The following TRRAP variants were observed in gnomAD, a reference collection of about 807,000 sequenced individuals.
The protein encoded by TRRAP is transformation/transcription domain-associated protein.
In TRRAP, 41 loss-of-function variants were observed where a neutral mutation model predicts 438.8. The ratio of observed to expected loss-of-function variants is 0.09; its 90% CI spans 0.07 to 0.12. The LOEUF is 0.12. Among genes scored for constraint, TRRAP ranks in the 10% least tolerant of loss-of-function variants. The pLI is 1.00. For synonymous variants in TRRAP, 1,994 were observed against 1,962.9 expected (o/e 1.02, Z -0.42); for missense variants, 3,122 against 5,055.1 (o/e 0.62, Z 11.60).
At chr7:98,927,558 G>A (rs1480674187) in intron 23 of TRRAP, among the ~76,000 whole-genome samples, 192 bp downstream of exon 23, 1 of 152,166 alleles carries the variant, frequency 6.6e-6, no homozygotes, top group Admixed American at 6.5e-5. Context: ...ATATCAGCTT[G>A]AAAGTTACTA....
At chr7:98,920,714 G>A (rs906586121) in intron 20 of TRRAP, among the ~76,000 whole-genome samples, 12 of 152,282 alleles carry the variant, frequency 7.9e-5, no homozygotes, top group East Asian at 7.7e-4. Flanking sequence ...TGAAGTGTAT[G>A]AGACAATTTA....
intron 43 of TRRAP, 44 bp from the exon 44 acceptor site, chr7:98,957,937 A>C: frequency 6.4e-7 from 1 of 1,556,994 alleles, no homozygotes; most frequent in South Asian, 1.1e-5. Flanking sequence ...GTTGGAAATT[A>C]GTGTTGCGAT....
chr7:98,983,244 T>A lies in TRRAP; in HGVS notation c.8827-20T>A. ...CTTTACTGACATTTACCGCAGAGTC[T>A]CTTATGCTGGTCCCATCAGGCAGCC... On this transcript the variant is annotated intron_variant, in intron 59 of 72. Transcript: ENST00000456197. The A allele has an allele frequency of 1.9e-6, 3 of 1,599,144 alleles. No individual in the cohort carries two copies. The highest frequency in any genetic ancestry group is 2.6e-6 in the Non-Finnish European group (3 of 1,171,018).
chr7:98,919,578 A>G (rs10230563), intron 20 of TRRAP, among the ~76,000 whole-genome samples: 22,466 of 152,208 alleles, frequency 0.15, 5,207 homozygotes, highest in African/African-American at 0.5. Context: ...CTGCAAGCTG[A>G]GTGACAGAAC....
At chr7:98,921,328 G>T (rs73155628) in intron 20 of TRRAP, among the ~76,000 whole-genome samples, 1 of 152,128 alleles carries the variant, frequency 6.6e-6, no homozygotes, top group Admixed American at 6.6e-5. Flanking sequence ...CGGTGTGTTT[G>T]GGTAACAGAG....
intron 23 of TRRAP, among the ~76,000 whole-genome samples, chr7:98,928,912 T>G (rs1790185382): frequency 6.6e-6 from 1 of 151,812 alleles, no homozygotes; most frequent in Admixed American, 6.6e-5. Flanking sequence ...TAGCTGGGAC[T>G]ACAGGCATGT....
intron 13 of TRRAP, among the ~76,000 whole-genome samples, chr7:98,907,193 C>T (rs546072082): frequency 4.9e-4 from 75 of 152,084 alleles, no homozygotes; most frequent in Middle Eastern, 6.8e-3. Context: ...CGTGGTGGCG[C>T]GTGCCTGTAA....
In TRRAP at chr7:98,977,046, T is replaced by A. The variant is rs55677501; in HGVS notation, c.8355T>A (p.Ile2785=). Reference sequence around the variant, plus strand: ...AGTACTCGGAGACAGCGACTGCGATTGCTTACGAGCAGCACGGGTTCTTTG... The same window carrying A: ...AGTACTCGGAGACAGCGACTGCGATAGCTTACGAGCAGCACGGGTTCTTTG... The part of the protein sequence containing the change: ...RCKYSETATA[I]AYEQHGFFEQ... The change falls in exon 56 of 73, where the codon ATT becomes ATA. Residue 2785 remains isoleucine (I), a synonymous_variant. Transcript: ENST00000456197. 1.2e-4 allele frequency: 200 copies of A among 1,614,244 alleles called. 1 individual carries two copies. The African/African-American group carries it at 2.4e-3, about 19-fold the overall frequency.
At chr7:98,941,918 T>G (rs1162331531) in intron 30 of TRRAP, among the ~76,000 whole-genome samples, 1 of 152,206 alleles carries the variant, frequency 6.6e-6, no homozygotes, top group Non-Finnish European at 1.5e-5. Context: ...GTTTTTAAGG[T>G]GTCCAAACCA....
chr7:98,933,990 C>T (rs1790442446), intron 27 of TRRAP, among the ~76,000 whole-genome samples: 1 of 152,240 alleles, frequency 6.6e-6, no homozygotes, highest in African/African-American at 2.4e-5. Flanking sequence ...AATCACTGCA[C>T]TGTCCAGCCG....
intron 58 of TRRAP, 138 bp downstream of exon 58, chr7:98,979,042 A>G (rs1792792726): frequency 1.9e-6 from 2 of 1,030,626 alleles, no homozygotes; most frequent in Non-Finnish European, 2.8e-6. Flanking sequence ...GTTCCTTTTG[A>G]TTGTCTAACA....
At chr7:98,897,663 T>G in intron 7 of TRRAP, 78 bp from the exon 8 acceptor site, 3 of 1,425,534 alleles carry the variant, frequency 2.1e-6, no homozygotes, top group Non-Finnish European at 2.8e-6. Flanking sequence ...GTCTTTTTGT[T>G]TTGTTTTGTT....
Position 98,990,496 on chromosome 7 carries a change from G to A in TRRAP, c.9633G>A (p.Leu3211=). The part of the protein sequence containing the change: ...LLSFDDDKNT[L]ADAVDKYCIG... Reference sequence around the variant, plus strand: ...GTTTTGATGATGACAAAAACACTTTGGCAGATGCCGTCGACAAGTACTGCA... The same window carrying A: ...GTTTTGATGATGACAAAAACACTTTAGCAGATGCCGTCGACAAGTACTGCA... The change falls in exon 64 of 73, where the codon TTG becomes TTA. Residue 3211 remains leucine (L), a synonymous_variant. Coordinates refer to ENST00000456197, the MANE Select transcript of TRRAP (RefSeq NM_001375524.1). The A allele has an allele frequency of 6.2e-7, 1 of 1,613,990 alleles. No individual in the cohort carries two copies. The highest frequency in any genetic ancestry group is 8.5e-7 in the Non-Finnish European group (1 of 1,179,864).
At chr7:98,938,114 G>A (rs539792425) in intron 30 of TRRAP, among the ~76,000 whole-genome samples, 91 of 152,296 alleles carry the variant, frequency 6.0e-4, no homozygotes, top group Admixed American at 1.3e-3. Flanking sequence ...GACAGAGGTC[G>A]CAGTGAGCCA....
chr7:98,878,851 C>G (rs2116202732), intron 1 of TRRAP, among the ~76,000 whole-genome samples: 1 of 152,256 alleles, frequency 6.6e-6, no homozygotes, highest in African/African-American at 2.4e-5. Flanking sequence ...AGGCGCAGCG[C>G]TCGCGGGCGC....
rs1791707115 is a variant in TRRAP, at chr7:98,958,049, C to A, written c.6300C>A (p.His2100Gln). The A allele has an allele frequency of 6.2e-7, 1 of 1,614,116 alleles. No individual in the cohort carries two copies. Among genetic ancestry groups the A allele is most frequent in the African/African-American group, 1.3e-5 (1 of 74,940 alleles). The change falls in exon 44 of 73, where the codon CAC becomes CAA. Residue 2100 changes from histidine to glutamine, a missense_variant. His to Gln is a conservative substitution (Grantham distance 24, BLOSUM62 0). This residue lies in a region of TRRAP where 992 missense variants were observed against 1,281.2 expected (regional missense o/e 0.77). Transcript: ENST00000456197. Reference sequence around the variant, plus strand: ...TCGCCAAGCCCATTGACAAGCAGCACACAGACACTGTGGTGAACTTCCTTA... The same window carrying A: ...TCGCCAAGCCCATTGACAAGCAGCAAACAGACACTGTGGTGAACTTCCTTA... ...SLLAKPIDKQ[H>Q]TDTVVNFLIR...
At chr7:98,938,787 TG>T (rs1790668692) in intron 30 of TRRAP, among the ~76,000 whole-genome samples, 1 of 152,242 alleles carries the variant, frequency 6.6e-6, no homozygotes, top group Non-Finnish European at 1.5e-5. Context: ...CTTTTATCTG[TG>T]GTGTACATTT....
At chr7:99,008,661 TG>T in intron 70 of TRRAP, 100 bp downstream of exon 70, 1 of 1,290,246 alleles carries the variant, frequency 7.8e-7, no homozygotes. Flanking sequence ...AACAGGCATT[TG>T]TTGGGGGCCA....
chr7:98,892,126 T>C (rs1796007489), intron 4 of TRRAP, among the ~76,000 whole-genome samples: 1 of 152,210 alleles, frequency 6.6e-6, no homozygotes, highest in Non-Finnish European at 1.5e-5. Context: ...ATGAACTCCA[T>C]GTTCGTACAC....
Sources: allele counts gnomAD v4.1 joint callset (sites outside exome capture counted in the v4.1 genomes callset), GRCh38; gene constraint gnomAD v4.1.1; regional missense constraint gnomAD v4.1.1; transcripts MANE v1.5; gene names NCBI Gene and HGNC (gene_info 2026-07-23, HGNC 2026-07-21).